Variants in WDR70 observed in about 807,000 individuals in gnomAD.
WDR70 encodes WD repeat domain 70, also known as WD repeat-containing protein 70.
In WDR70, 53 loss-of-function variants were observed where a neutral mutation model predicts 88.6. The ratio of observed to expected loss-of-function variants is 0.60; its 90% CI spans 0.48 to 0.75. WDR70 has a LOEUF of 0.75. Ranked by LOEUF, WDR70 falls within the 30% of genes least tolerant of loss-of-function variation. The probability of loss-of-function intolerance (pLI) is 0.00; values close to 1 mark genes in which losing one functional copy is unlikely to be tolerated. For missense variants in WDR70, 610 were observed against 823.2 expected (o/e 0.74, Z 3.17); for synonymous variants, 280 against 270.0 (o/e 1.04, Z -0.36).
chr5:37,674,029 T>G (rs952341613), intron 10 of WDR70, among the ~76,000 whole-genome samples: 1 of 152,086 alleles, frequency 6.6e-6, no homozygotes, highest in African/African-American at 2.4e-5. Flanking sequence ...TGATGGGCAT[T>G]TAGGTTGATT....
intron 11 of WDR70, among the ~76,000 whole-genome samples, chr5:37,698,111 C>A (rs903352573): frequency 3.7e-4 from 56 of 152,058 alleles, no homozygotes; most frequent in Non-Finnish European, 1.2e-4. Flanking sequence ...TCTGGTACTT[C>A]AAAGTCTTCT....
At chr5:37,738,279 C>G (rs1325427538) in intron 17 of WDR70, among the ~76,000 whole-genome samples, 1 of 152,154 alleles carries the variant, frequency 6.6e-6, no homozygotes, top group African/African-American at 2.4e-5. Flanking sequence ...ACAATGGGCC[C>G]TGAGCCAAAA....
intron 9 of WDR70, among the ~76,000 whole-genome samples, chr5:37,518,135 G>A (rs1331359518): frequency 2.0e-5 from 3 of 151,684 alleles, no homozygotes; most frequent in East Asian, 1.9e-4. Context: ...GGCTGGTCAC[G>A]AACTCCTGAA....
chr5:37,677,114 T>C (rs1746251318), intron 10 of WDR70, among the ~76,000 whole-genome samples: 1 of 152,168 alleles, frequency 6.6e-6, no homozygotes, highest in Non-Finnish European at 1.5e-5. Context: ...ATCTATTTGA[T>C]TCTTCTCTCT....
intron 10 of WDR70, among the ~76,000 whole-genome samples, chr5:37,620,999 G>A (rs953879451): frequency 6.6e-6 from 1 of 151,902 alleles, no homozygotes; most frequent in Non-Finnish European, 1.5e-5. Context: ...GTTTGCCTCA[G>A]GATTTTTGCC....
At chr5:37,725,347 G>A (rs1747941083) in intron 16 of WDR70, among the ~76,000 whole-genome samples, 1 of 151,894 alleles carries the variant, frequency 6.6e-6, no homozygotes, top group East Asian at 1.9e-4. Context: ...GGGGCTCAGT[G>A]GACCTTGGAA....
chr5:37,448,717 C>G (rs1010037011), intron 7 of WDR70, among the ~76,000 whole-genome samples: 1 of 139,426 alleles, frequency 7.2e-6, no homozygotes, highest in Non-Finnish European at 1.6e-5. Flanking sequence ...GATGAATCTC[C>G]AAACGTTATT....
intron 9 of WDR70, among the ~76,000 whole-genome samples, chr5:37,525,019 C>T (rs552144475): frequency 6.6e-6 from 1 of 152,088 alleles, no homozygotes; most frequent in African/African-American, 2.4e-5. Flanking sequence ...GACTCCTGCA[C>T]AATAATAATG....
intron 10 of WDR70, among the ~76,000 whole-genome samples, chr5:37,620,622 T>G (rs1744482731): frequency 6.6e-6 from 1 of 152,194 alleles, no homozygotes; most frequent in Non-Finnish European, 1.5e-5. Flanking sequence ...ACTCCATTTT[T>G]TTTTGTATCC....
intron 7 of WDR70, among the ~76,000 whole-genome samples, chr5:37,460,711 A>AT (rs1738968596): frequency 6.7e-6 from 1 of 149,470 alleles, no homozygotes; most frequent in Non-Finnish European, 1.5e-5. Context: ...ATTAAAAATA[A>AT]AAAATAAAAA....
At chr5:37,574,386 C>G (rs926475026) in intron 9 of WDR70, among the ~76,000 whole-genome samples, 1 of 152,222 alleles carries the variant, frequency 6.6e-6, no homozygotes, top group African/African-American at 2.4e-5. Context: ...ATACCCCCCT[C>G]CATGGCTTGC....
At chr5:37,561,495 C>G (rs1255490066) in intron 9 of WDR70, among the ~76,000 whole-genome samples, 2 of 152,156 alleles carry the variant, frequency 1.3e-5, no homozygotes, top group African/African-American at 4.8e-5. Context: ...AAAACACATG[C>G]TAACAACAAA....
intron 3 of WDR70, among the ~76,000 whole-genome samples, chr5:37,384,977 G>A (rs1450608556): frequency 6.6e-6 from 1 of 152,094 alleles, no homozygotes; most frequent in Admixed American, 6.6e-5. Flanking sequence ...TATAAATCAG[G>A]GTTCCCATGA....
chr5:37,748,433 C>T (rs1748699473), intron 17 of WDR70, among the ~76,000 whole-genome samples: 1 of 152,120 alleles, frequency 6.6e-6, no homozygotes, highest in African/African-American at 2.4e-5. Flanking sequence ...AAACTGGACC[C>T]CTTCCTTATA....
intron 10 of WDR70, among the ~76,000 whole-genome samples, chr5:37,623,441 A>G (rs1299628593): frequency 6.6e-6 from 1 of 152,212 alleles, no homozygotes; most frequent in Non-Finnish European, 1.5e-5. Context: ...TACAGATACT[A>G]CTTCCAAATA....
At chr5:37,594,156 C>T (rs926104338) in intron 9 of WDR70, among the ~76,000 whole-genome samples, 2 of 152,162 alleles carry the variant, frequency 1.3e-5, no homozygotes, top group African/African-American at 4.8e-5. Context: ...AATTAGATCC[C>T]ATTTGTCAAT....
chr5:37,490,896 T>C (rs1410857021), intron 8 of WDR70, among the ~76,000 whole-genome samples: 1 of 151,962 alleles, frequency 6.6e-6, no homozygotes, highest in Non-Finnish European at 1.5e-5. Context: ...TCTCAGTGGG[T>C]ATGAGGGGAT....
At chr5:37,664,840 T>C (rs1745793466) in intron 10 of WDR70, among the ~76,000 whole-genome samples, 2 of 152,268 alleles carry the variant, frequency 1.3e-5, no homozygotes, top group Admixed American at 6.5e-5. Context: ...TGTTCTTCTA[T>C]AAGATCAGCA....
chr5:37,452,368 C>T lies in WDR70; in HGVS notation c.686+8996C>T, dbSNP rs575376277. Among the ~76,000 whole-genome samples the T allele has an allele frequency of 4.0e-5, 6 of 151,862 alleles. No homozygotes were observed. The East Asian group carries it at 5.9e-4, about 15-fold the overall frequency. ...GCAACCTCCACCTTCCGGGTTCAAG[C>T]GATTCTCCTGTCTCAGCCTCCTGAG... On this transcript the variant is annotated intron_variant, in intron 7 of 17. Coordinates refer to ENST00000265107, the MANE Select transcript of WDR70 (RefSeq NM_018034.4).
Sources: gnomAD v4.1 joint callset for allele counts (sites outside exome capture counted in the v4.1 genomes callset) on GRCh38, gnomAD v4.1.1 for gene constraint, MANE v1.5 for transcripts, NCBI Gene and HGNC (gene_info 2026-07-23, HGNC 2026-07-21) for gene names.